The following LCORL variants were observed in gnomAD, a reference collection of about 807,000 sequenced individuals.
LCORL encodes ligand-dependent nuclear receptor corepressor-like protein.
Under a neutral mutation model 141.8 loss-of-function variants are expected in LCORL, and 41 were observed. The ratio of observed to expected loss-of-function variants is 0.29; its 90% CI spans 0.23 to 0.38. The LOEUF is 0.38. LCORL is among the 10% of genes least tolerant of loss of function. The pLI is 1.00. For synonymous variants in LCORL, 618 were observed against 694.1 expected, an observed-to-expected ratio of 0.89 and a Z score of 1.72; for missense variants, 1,759 against 2,035.0, an observed-to-expected ratio of 0.86 and a Z score of 2.61.
At chr4:17,950,804 A>C (rs987456742) in intron 4 of LCORL, among the ~76,000 whole-genome samples, 21 of 152,218 alleles carry the variant, frequency 1.4e-4, no homozygotes, top group Non-Finnish European at 2.5e-4. Context: ...CTTAAAAAAA[A>C]AAAAATTTAG....
chr4:17,971,660 T>C (rs1715968583), intron 2 of LCORL, among the ~76,000 whole-genome samples: 1 of 151,702 alleles, frequency 6.6e-6, no homozygotes, highest in Non-Finnish European at 1.5e-5. Context: ...AGCTCAAAAT[T>C]GCATTAATAC....
At chr4:17,982,583 GTGTC>G (rs1344272113) in intron 1 of LCORL, among the ~76,000 whole-genome samples, 3 of 152,116 alleles carry the variant, frequency 2.0e-5, no homozygotes, top group African/African-American at 7.2e-5. Flanking sequence ...CTTTTGAAAA[GTGTC>G]TGTTCATGTC....
chr4:17,914,224 CT>C (rs1190270363), intron 4 of LCORL, among the ~76,000 whole-genome samples: 4 of 152,102 alleles, frequency 2.6e-5, no homozygotes, highest in Non-Finnish European at 5.9e-5. Flanking sequence ...TCTTCTTCAC[CT>C]TTTTTCAAAT....
chr4:17,880,825 AT>A (rs1560282743), intron 6 of LCORL: 1 of 875,998 alleles, frequency 1.1e-6, no homozygotes, highest in Non-Finnish European at 1.4e-6. Context: ...AGATACATGA[AT>A]TCATTAGAAA....
intron 7 of LCORL, among the ~76,000 whole-genome samples, chr4:17,848,523 A>C (rs1723202844): frequency 6.6e-6 from 1 of 152,170 alleles, no homozygotes; most frequent in Admixed American, 6.5e-5. Context: ...ATAATTTTTA[A>C]ATTTTTTTGA....
At chr4:17,893,378 AT>A (rs199823142) in intron 5 of LCORL, 21,960 of 962,758 alleles carry the variant, frequency 0.023, 270 homozygotes, top group Non-Finnish European at 0.026. Flanking sequence ...AAGTAAATGA[AT>A]TTAAGTATTA....
At chr4:17,903,891 A>G (rs1731238141) in intron 5 of LCORL, among the ~76,000 whole-genome samples, 1 of 152,058 alleles carries the variant, frequency 6.6e-6, no homozygotes. Flanking sequence ...ACAAACATTT[A>G]CAGCATTACT....
chr4:17,875,645 C>T (rs960878749), exon 7 of LCORL: 2 of 1,231,136 alleles, frequency 1.6e-6, no homozygotes, highest in African/African-American at 3.1e-5. Flanking sequence ...CACTAAAGGG[C>T]TCATTCTGGC....
intron 2 of LCORL, among the ~76,000 whole-genome samples, chr4:17,963,825 CTATTCCCAAATAAAT>C (rs1056913533): frequency 6.6e-6 from 1 of 151,934 alleles, no homozygotes; most frequent in Admixed American, 6.6e-5. Flanking sequence ...TCCCCAATTT[CTATTCCCAAATAAAT>C]TCATATGCAG....
At chr4:17,862,035 C>A (rs1472668391) in intron 7 of LCORL, among the ~76,000 whole-genome samples, 1 of 152,188 alleles carries the variant, frequency 6.6e-6, no homozygotes, top group East Asian at 1.9e-4. Flanking sequence ...CTTCTGAGTG[C>A]TCCAAACTGT....
intron 5 of LCORL, among the ~76,000 whole-genome samples, chr4:17,891,843 T>C (rs1451838576): frequency 1.3e-5 from 2 of 152,220 alleles, no homozygotes; most frequent in Non-Finnish European, 2.9e-5. Flanking sequence ...CTTTGGTTGA[T>C]AAAGCGTCGA....
At chr4:17,875,233 C>G in exon 7 of LCORL, 1 of 1,231,638 alleles carries the variant, frequency 8.1e-7, no homozygotes, top group Non-Finnish European at 1.0e-6. Flanking sequence ...GAGATTTTCA[C>G]TTTTGCCGGT....
At chr4:17,906,099 C>T (rs932465436) in intron 5 of LCORL, among the ~76,000 whole-genome samples, 1 of 152,000 alleles carries the variant, frequency 6.6e-6, no homozygotes, top group African/African-American at 2.4e-5. Context: ...TGTTTAAATC[C>T]TAAAATATTT....
intron 7 of LCORL, among the ~76,000 whole-genome samples, chr4:17,863,814 A>T (rs1725290660): frequency 6.6e-6 from 1 of 152,248 alleles, no homozygotes; most frequent in African/African-American, 2.4e-5. Context: ...CTATGCAGCC[A>T]TAAAAAGCAA....
intron 5 of LCORL, among the ~76,000 whole-genome samples, chr4:17,892,029 C>T (rs1469157946): frequency 6.6e-6 from 1 of 151,886 alleles, no homozygotes; most frequent in Non-Finnish European, 1.5e-5. Context: ...ATCCAAATTT[C>T]GATTTTAAAA....
intron 7 of LCORL, among the ~76,000 whole-genome samples, chr4:17,853,102 T>C (rs938269142): frequency 6.6e-6 from 1 of 150,792 alleles, no homozygotes; most frequent in African/African-American, 2.4e-5. Context: ...CTAACAACTA[T>C]TCACTGAAGC....
intron 6 of LCORL, chr4:17,883,780 C>T (rs187741528): frequency 9.7e-6 from 15 of 1,550,206 alleles, no homozygotes; most frequent in African/African-American, 6.9e-5. Context: ...TATTATATAA[C>T]CCAGTGTCTG....
chr4:17,920,740 G>A (rs1734159792), intron 4 of LCORL, among the ~76,000 whole-genome samples: 1 of 152,194 alleles, frequency 6.6e-6, no homozygotes, highest in African/African-American at 2.4e-5. Context: ...CAGCATCTTT[G>A]CCAGAAGTAA....
chr4:18,014,855 T>C (rs927318030), intron 1 of LCORL, among the ~76,000 whole-genome samples: 2 of 152,208 alleles, frequency 1.3e-5, no homozygotes, highest in African/African-American at 4.8e-5. Context: ...TAAAAACTCT[T>C]GCAAAGATTA....
Sources: gnomAD v4.1 joint callset for allele counts (sites outside exome capture counted in the v4.1 genomes callset) on GRCh38, gnomAD v4.1.1 for gene constraint, MANE v1.5 for transcripts, NCBI Gene and HGNC (gene_info 2026-07-23, HGNC 2026-07-21) for gene names.